Variants in KCND2 observed in about 807,000 individuals in gnomAD.
KCND2 encodes potassium voltage-gated channel subfamily D member 2, also known as A-type voltage-gated potassium channel KCND2.
In KCND2, 16 loss-of-function variants were observed where a neutral mutation model predicts 54.4. The observed-to-expected ratio is 0.29, with a 90% CI of 0.20 to 0.45. The LOEUF (loss-of-function observed/expected upper bound fraction) is 0.45. Among genes scored for constraint, KCND2 ranks in the 20% least tolerant of loss-of-function variants. The pLI, the probability that KCND2 is intolerant of heterozygous loss-of-function variation, is 1.00. For missense variants in KCND2, 486 were observed against 824.2 expected (o/e 0.59, Z 5.02); for synonymous variants, 317 against 310.7 (o/e 1.02, Z -0.21).
chr7:120,525,227 T>G (rs934789162), intron 1 of KCND2, among the ~76,000 whole-genome samples: 2 of 152,174 alleles, frequency 1.3e-5, no homozygotes, highest in Non-Finnish European at 2.9e-5. Context: ...TGAACATTCT[T>G]AGATATTATA....
intron 1 of KCND2, among the ~76,000 whole-genome samples, chr7:120,337,123 A>G (rs1335833719): frequency 2.0e-5 from 3 of 152,168 alleles, no homozygotes; most frequent in East Asian, 1.9e-4. Context: ...TTGTCATGCT[A>G]CAAGGTGAAA....
At chr7:120,331,937 T>C (rs1800075127) in intron 1 of KCND2, among the ~76,000 whole-genome samples, 1 of 152,046 alleles carries the variant, frequency 6.6e-6, no homozygotes, top group Non-Finnish European at 1.5e-5. Context: ...TTTAAAAATT[T>C]TATTTGTATT....
intron 1 of KCND2, among the ~76,000 whole-genome samples, chr7:120,631,807 TG>T (rs1012296519): frequency 6.6e-6 from 1 of 152,116 alleles, no homozygotes; most frequent in African/African-American, 2.4e-5. Flanking sequence ...AACGTAGAAA[TG>T]GGGATTGCAT....
At chr7:120,607,861 A>C (rs2116482098) in intron 1 of KCND2, among the ~76,000 whole-genome samples, 1 of 152,188 alleles carries the variant, frequency 6.6e-6, no homozygotes, top group East Asian at 1.9e-4. Context: ...AAAGAAAAAC[A>C]ACATGGACAT....
chr7:120,741,633 C>T lies in KCND2; in HGVS notation c.1374+4C>T. On this transcript the variant is annotated splice_donor_region_variant and intron_variant, in intron 3 of 5. Coordinates refer to ENST00000331113, the MANE Select transcript of KCND2 (RefSeq NM_012281.3). The stretch of plus-strand genomic sequence containing the variant: ...TTTACTCAGTAATCAGCTGCAGGTA[C>T]AATCAATTACATCTCTTTTTTTAAT... The T allele has an allele frequency of 2.5e-6, 4 of 1,573,874 alleles. No individual in the cohort carries two copies. The South Asian group carries it at 4.4e-5, about 17-fold the overall frequency.
chr7:120,559,726 C>T (rs539200267), intron 1 of KCND2, among the ~76,000 whole-genome samples: 10 of 152,174 alleles, frequency 6.6e-5, no homozygotes, highest in African/African-American at 2.4e-4. Flanking sequence ...GGGCAGATTC[C>T]AGTCTATGAT....
At chr7:120,688,621 T>TA (rs1792233106) in intron 1 of KCND2, among the ~76,000 whole-genome samples, 2 of 152,188 alleles carry the variant, frequency 1.3e-5, no homozygotes, top group South Asian at 4.1e-4. Context: ...ACGGATTTGT[T>TA]AGTGTTGATC....
At chr7:120,379,648 A>T (rs576463065) in intron 1 of KCND2, among the ~76,000 whole-genome samples, 1 of 152,074 alleles carries the variant, frequency 6.6e-6, no homozygotes, top group African/African-American at 2.4e-5. Flanking sequence ...GTATAATGCA[A>T]CTAGAGTTTA....
chr7:120,458,540 C>A (rs1802235749), intron 1 of KCND2, among the ~76,000 whole-genome samples: 3 of 152,136 alleles, frequency 2.0e-5, no homozygotes. Context: ...AGTTCATATT[C>A]CTTGATTTCC....
At position 120,547,387 on chromosome 7, in the gene KCND2, G is replaced by T. The variant is rs571393914; in HGVS notation, c.1116-185516G>T. On this transcript the variant is annotated intron_variant, in intron 1 of 5. Transcript: ENST00000331113. ...CTGATTTAACTCTCTGTAAAAGTCGGTTTTTGTAGGTCATATTGTCCCTGA... is the reference window on the plus strand; with the variant it reads ...CTGATTTAACTCTCTGTAAAAGTCGTTTTTTGTAGGTCATATTGTCCCTGA... Among the ~76,000 whole-genome samples the T allele has an allele frequency of 9.9e-5, 15 of 151,990 alleles. No homozygotes were observed. The South Asian group carries it at 2.9e-3, about 29-fold the overall frequency.
chr7:120,397,056 G>A lies in KCND2; in HGVS notation c.1115+121309G>A, dbSNP rs749158733. 4.0e-5 allele frequency among the ~76,000 whole-genome samples: 6 copies of A among 151,762 alleles called. No individual in the cohort carries two copies. The East Asian group carries it at 5.8e-4, about 15-fold the overall frequency. ...ATTTTCTTTCTTAGTTTATCTACAC[G>A]ATCCTAGGAAAGAAGGCCCTATATC... On this transcript the variant is annotated intron_variant, in intron 1 of 5. Transcript: ENST00000331113.
Position 120,274,459 on chromosome 7 carries a change from C to A in KCND2, c.-174C>A. 1.4e-6 allele frequency: 1 copy of A among 728,646 alleles called. No individual in the cohort carries two copies. The highest frequency in any genetic ancestry group is 2.4e-6 in the Non-Finnish European group (1 of 412,018). The allele number at this position is 728,646 out of a possible 1,614,324, so 45.1% of individuals were successfully genotyped here. ...AATACCTGTCTTGGAGGGAAAGTTG[C>A]CCTTCTGAGAACTGTGACTTTACCA... On this transcript the variant is annotated 5_prime_UTR_variant, in exon 1 of 6. Coordinates refer to ENST00000331113, the MANE Select transcript of KCND2 (RefSeq NM_012281.3).
At chr7:120,709,164 A>C (rs1584891995) in intron 1 of KCND2, among the ~76,000 whole-genome samples, 1 of 152,104 alleles carries the variant, frequency 6.6e-6, no homozygotes, top group Non-Finnish European at 1.5e-5. Context: ...AAAGTTATTA[A>C]AATATAAATC....
At chr7:120,308,409 A>C (rs766191194) in intron 1 of KCND2, among the ~76,000 whole-genome samples, 25 of 152,122 alleles carry the variant, frequency 1.6e-4, no homozygotes, top group Non-Finnish European at 2.8e-4. Flanking sequence ...TGTTATCAGC[A>C]TGAGAGCTCT....
At position 120,747,975 on chromosome 7, in the gene KCND2, G is replaced by T; in HGVS notation, c.*117G>T. 1.2e-6 allele frequency: 1 copy of T among 854,690 alleles called. No individual in the cohort carries two copies. 52.9% of individuals were successfully genotyped at this position (854,690 alleles called of 1,614,324 possible). ...ATTAATGCAGCAAAGAAAGAAGGTTGGTAGTGAAACACAAAGCTTCCAATC... is the reference window on the plus strand; with the variant it reads ...ATTAATGCAGCAAAGAAAGAAGGTTTGTAGTGAAACACAAAGCTTCCAATC... On this transcript the variant is annotated 3_prime_UTR_variant, in exon 6 of 6. Coordinates refer to ENST00000331113, the MANE Select transcript of KCND2 (RefSeq NM_012281.3).
At chr7:120,490,706 A>G (rs370981880) in intron 1 of KCND2, among the ~76,000 whole-genome samples, 31 of 152,118 alleles carry the variant, frequency 2.0e-4, no homozygotes, top group African/African-American at 7.5e-4. Context: ...CAGTACCTTA[A>G]GCACTCCCTA....
intron 1 of KCND2, among the ~76,000 whole-genome samples, chr7:120,452,480 T>C (rs997549169): frequency 1.3e-5 from 2 of 151,404 alleles, no homozygotes; most frequent in African/African-American, 4.9e-5. Context: ...GCACTGGGAG[T>C]GGACAGAGGG....
intron 1 of KCND2, among the ~76,000 whole-genome samples, chr7:120,429,313 C>T (rs553535310): frequency 6.6e-6 from 1 of 152,286 alleles, no homozygotes. Context: ...GTATTCATCA[C>T]TTACAATAAA....
rs1391339425 is a variant in KCND2, at chr7:120,650,520, T to C, written c.1116-82383T>C. Among the ~76,000 whole-genome samples, 2 of 143,322 alleles carry C rather than the reference T, an allele frequency of 1.4e-5. 1 individual carries two copies. The highest frequency in any genetic ancestry group is 1.4e-4 in the Admixed American group (2 of 14,808). 94.0% of individuals were successfully genotyped at this position (143,322 alleles called of 152,430 possible). A position where few individuals can be genotyped will look rare whatever the true frequency, so the allele number is the denominator to read the frequency against. The stretch of plus-strand genomic sequence containing the variant: ...TTATTCTAGTTAGCCATTCGTCTAA[T>C]CTTTTTTCAAGGTTTTTAGCTTCTT... On this transcript the variant is annotated intron_variant, in intron 1 of 5. Transcript: ENST00000331113.
Sources: allele counts gnomAD v4.1 joint callset (sites outside exome capture counted in the v4.1 genomes callset), GRCh38; gene constraint gnomAD v4.1.1; transcripts MANE v1.5; gene names NCBI Gene and HGNC (gene_info 2026-07-23, HGNC 2026-07-21).